The following SPON1 variants were observed in gnomAD, a reference collection of about 807,000 sequenced individuals.
The protein encoded by SPON1 is spondin-1.
In SPON1, 52 loss-of-function variants were observed where a neutral mutation model predicts 111.7. The ratio of observed to expected loss-of-function variants is 0.47; its 90% CI spans 0.37 to 0.59. The LOEUF is 0.59. Among genes scored for constraint, SPON1 ranks in the 20% least tolerant of loss-of-function variants. SPON1 has a pLI of 0.00. For missense variants in SPON1, 957 were observed against 1,068.5 expected (o/e 0.90, Z 1.46); for synonymous variants, 410 against 395.8 (o/e 1.04, Z -0.43).
At chr11:14,238,519 G>A (rs907227400) in intron 6 of SPON1, among the ~76,000 whole-genome samples, 2 of 152,128 alleles carry the variant, frequency 1.3e-5, no homozygotes, top group Non-Finnish European at 2.9e-5. Context: ...GGGTAAGATT[G>A]GTTCAGACAC....
intron 6 of SPON1, among the ~76,000 whole-genome samples, chr11:14,198,186 A>C (rs1270150758): frequency 6.6e-6 from 1 of 152,168 alleles, no homozygotes; most frequent in Non-Finnish European, 1.5e-5. Flanking sequence ...TTGTCTTTAA[A>C]ATCTCTTAAA....
intron 6 of SPON1, among the ~76,000 whole-genome samples, chr11:14,213,067 G>A (rs1205657454): frequency 6.6e-6 from 1 of 152,184 alleles, no homozygotes; most frequent in African/African-American, 2.4e-5. Context: ...CAGGCCCCCA[G>A]TTGTCCTGTG....
intron 6 of SPON1, among the ~76,000 whole-genome samples, chr11:14,201,847 G>A (rs928193838): frequency 3.9e-5 from 6 of 152,076 alleles, no homozygotes; most frequent in Admixed American, 3.3e-4. Context: ...GTGAAGTGGT[G>A]GGGGGAGTCC....
intron 6 of SPON1, among the ~76,000 whole-genome samples, chr11:14,222,268 TTCA>T (rs2133907306): frequency 6.6e-6 from 1 of 152,348 alleles, no homozygotes; most frequent in South Asian, 2.1e-4. Flanking sequence ...TAAGCCAGGT[TTCA>T]TCAAGTTGTG....
At chr11:14,058,009 C>A (rs1157196304) in intron 3 of SPON1, among the ~76,000 whole-genome samples, 1 of 151,794 alleles carries the variant, frequency 6.6e-6, no homozygotes, top group Non-Finnish European at 1.5e-5. Context: ...AGAGTGAGAC[C>A]CTGTCTCAAA....
chr11:13,969,038 G>A (rs1354107613), intron 1 of SPON1, among the ~76,000 whole-genome samples: 2 of 152,236 alleles, frequency 1.3e-5, no homozygotes, highest in Admixed American at 6.5e-5. Flanking sequence ...TGAAAGGTCA[G>A]CTAGGTGGGT....
At chr11:14,131,900 G>T (rs1847533745) in intron 5 of SPON1, among the ~76,000 whole-genome samples, 1 of 152,186 alleles carries the variant, frequency 6.6e-6, no homozygotes, top group Admixed American at 6.5e-5. Flanking sequence ...TGTCCCCCGA[G>T]GGCAGCGACA....
chr11:14,080,235 CT>C lies in SPON1; in HGVS notation c.676+225del, dbSNP rs11432678. Among the ~76,000 whole-genome samples, 123 of 147,130 alleles carry C rather than the reference CT, an allele frequency of 8.4e-4. 1 individual carries two copies. Among genetic ancestry groups the C allele is most frequent in the African/African-American group, 2.4e-3 (96 of 40,036 alleles). On this transcript the variant is annotated intron_variant, in intron 5 of 15. Coordinates refer to ENST00000576479, the MANE Select transcript of SPON1 (RefSeq NM_006108.4). ...TGCATAGCATTGTGCTATTTTTTTT[CT>C]TTTTTTTTTTGAGATGGAGTCTCGC...
chr11:13,999,593 A>T (rs1848300382), intron 2 of SPON1, among the ~76,000 whole-genome samples: 1 of 151,906 alleles, frequency 6.6e-6, no homozygotes, highest in South Asian at 2.1e-4. Flanking sequence ...TTTAGTAGAG[A>T]TGGGGGTTTC....
chr11:14,001,222 CT>C (rs1848314995), intron 2 of SPON1, among the ~76,000 whole-genome samples: 1 of 152,158 alleles, frequency 6.6e-6, no homozygotes, highest in Admixed American at 6.5e-5. Context: ...TGATGACTAG[CT>C]ACAGGCTGAG....
chr11:14,032,932 C>G (rs1848569640), intron 2 of SPON1, among the ~76,000 whole-genome samples: 1 of 152,150 alleles, frequency 6.6e-6, no homozygotes, highest in Non-Finnish European at 1.5e-5. Flanking sequence ...CATACCCAGA[C>G]CAGAAGCTGC....
chr11:14,000,579 A>C (rs1379124371), intron 2 of SPON1, among the ~76,000 whole-genome samples: 2 of 152,112 alleles, frequency 1.3e-5, no homozygotes, highest in Non-Finnish European at 2.9e-5. Context: ...CAGCCTAAGA[A>C]ACAAGTTGTT....
intron 3 of SPON1, among the ~76,000 whole-genome samples, chr11:14,049,270 C>CT (rs138504608): frequency 0.011 from 1,713 of 152,232 alleles, 29 homozygotes; most frequent in African/African-American, 0.04. Flanking sequence ...GATCTTGGCT[C>CT]TTTTTTTATC....
At chr11:14,080,404 T>C (rs1232157920) in intron 5 of SPON1, among the ~76,000 whole-genome samples, 10 of 151,970 alleles carry the variant, frequency 6.6e-5, no homozygotes, top group Admixed American at 6.6e-4. Context: ...AATTTTTGTA[T>C]TTTTAGTAGA....
At chr11:14,249,222 C>T (rs1194121009) in intron 7 of SPON1, among the ~76,000 whole-genome samples, 1 of 152,188 alleles carries the variant, frequency 6.6e-6, no homozygotes, top group African/African-American at 2.4e-5. Context: ...GACATGGTCA[C>T]CTTCTCCAGA....
chr11:13,971,339 C>T (rs1848061703), intron 1 of SPON1, among the ~76,000 whole-genome samples: 1 of 152,146 alleles, frequency 6.6e-6, no homozygotes, highest in Non-Finnish European at 1.5e-5. Flanking sequence ...CAAGGGGCTG[C>T]CAACCTCAGA....
At chr11:14,028,749 G>A (rs1161933382) in intron 2 of SPON1, among the ~76,000 whole-genome samples, 2 of 152,246 alleles carry the variant, frequency 1.3e-5, no homozygotes, top group South Asian at 2.1e-4. Context: ...CTTTCATCAT[G>A]TGTAGCCATT....
rs782068397 is a variant in SPON1, at chr11:14,259,433, C to T, written c.1646C>T (p.Thr549Met). The T allele has an allele frequency of 2.5e-6, 4 of 1,609,280 alleles. No individual in the cohort carries two copies. The highest frequency in any genetic ancestry group is 2.2e-5 in the East Asian group (1 of 44,704). The change falls in exon 12 of 16, where the codon ACG (threonine) becomes ATG (methionine). Residue 549 changes from threonine (T) to methionine (M), a missense_variant. Thr to Met is a moderately conservative substitution (Grantham distance 81). This residue lies in a region of SPON1 where 549 missense variants were observed against 606.2 expected (regional missense o/e 0.91). Transcript: ENST00000576479. The surrounding 1 kb of genome is among the most constrained non-coding windows in gnomAD (Gnocchi z 5.0). ...CCCACTGAGGAAACGGAGAAGTGCA[C>T]GGTCAACGAGGAGTGCTGTGAGTGG... ...TLPTEETEKCTVNEECSPSSC... is the reference protein window; with the variant it reads ...TLPTEETEKCMVNEECSPSSC...
chr11:14,038,714 G>T lies in SPON1; in HGVS notation c.346-2807G>T, dbSNP rs1224372893. Among the ~76,000 whole-genome samples, 6 of 152,202 alleles carry T rather than the reference G, an allele frequency of 3.9e-5. No homozygotes were observed. In the South Asian group the frequency reaches 8.3e-4, roughly 21 times the overall value. On this transcript the variant is annotated intron_variant, in intron 2 of 15. Coordinates refer to ENST00000576479, the MANE Select transcript of SPON1 (RefSeq NM_006108.4). ...CACAATGACAACATCAAATCCTGTG[G>T]AGGATGTGGAACAACAGGAACTCTA...
Sources: gnomAD v4.1 joint callset for allele counts (sites outside exome capture counted in the v4.1 genomes callset) on GRCh38, gnomAD v4.1.1 for gene constraint, gnomAD v4.1.1 regional missense constraint, Gnocchi (gnomAD v3.1) non-coding constraint, MANE v1.5 for transcripts, NCBI Gene and HGNC (gene_info 2026-07-23, HGNC 2026-07-21) for gene names.